Variants in LPCAT1 observed in about 807,000 individuals in gnomAD.
LPCAT1 encodes 1-acylglycerol-3-phosphate O-acyltransferase.
A neutral mutation model predicts 60.9 loss-of-function variants in LPCAT1; 23 were observed. The observed-to-expected ratio is 0.38, with a 90% confidence interval of 0.27 to 0.53. The LOEUF is 0.53. Among genes scored for constraint, LPCAT1 ranks in the 20% least tolerant of loss-of-function variants. The pLI, the probability that LPCAT1 is intolerant of heterozygous loss-of-function variation, is 0.82. For missense variants in LPCAT1, 622 were observed against 723.6 expected, an observed-to-expected ratio of 0.86 and a Z score of 1.61; for synonymous variants, 340 against 301.1, an observed-to-expected ratio of 1.13 and a Z score of -1.34.
At chr5:1,518,708 C>T (rs1579819667) in intron 1 of LPCAT1, among the ~76,000 whole-genome samples, 1 of 152,342 alleles carries the variant, frequency 6.6e-6, no homozygotes, top group African/African-American at 2.4e-5. Flanking sequence ...CAAGCAGAGG[C>T]AGGAGCAGAA....
chr5:1,470,765 G>A (rs1373929923), intron 12 of LPCAT1, 61 bp downstream of exon 12: 2 of 1,250,158 alleles, frequency 1.6e-6, no homozygotes, highest in Non-Finnish European at 2.3e-6. Flanking sequence ...AATGAACAAT[G>A]GTGCTGACGT....
chr5:1,502,994 A>T lies in LPCAT1; in HGVS notation c.136-1391T>A, dbSNP rs745821522. On this transcript the variant is annotated intron_variant, in intron 1 of 13. Coordinates refer to ENST00000283415, the MANE Select transcript of LPCAT1 (RefSeq NM_024830.5). This position sits in a 1 kb window ranked among gnomAD's most constrained non-coding sequence, Gnocchi z 5.5. ...ACACGTACTCAACGTAGAAGTTGCT[A>T]CTGGCTAGTTTGCATTTTCTCCCGC... is the stretch of plus-strand genomic sequence containing the variant. Among the ~76,000 whole-genome samples the T allele has an allele frequency of 2.6e-5, 4 of 152,188 alleles. No individual in the cohort carries two copies. The highest frequency in any genetic ancestry group is 4.8e-5 in the African/African-American group (2 of 41,424).
chr5:1,513,500 T>C (rs1453498919), intron 1 of LPCAT1, among the ~76,000 whole-genome samples: 2 of 152,220 alleles, frequency 1.3e-5, no homozygotes, highest in Non-Finnish European at 2.9e-5. Context: ...TGTAAGCTTC[T>C]GGGCTGCACA....
At chr5:1,465,074 C>T (rs931403562) in intron 13 of LPCAT1, among the ~76,000 whole-genome samples, 10 of 117,266 alleles carry the variant, frequency 8.5e-5, no homozygotes, top group African/African-American at 2.6e-4. Context: ...CGCACACACA[C>T]GGTAACACAC....
chr5:1,501,554 G>A lies in LPCAT1; in HGVS notation c.185C>T (p.Ala62Val). The change falls in exon 2 of 14, where the codon GCT becomes GTT. Residue 62 changes from alanine (A) to valine (V), a missense_variant. By Grantham distance (64) the Ala-to-Val change is moderately conservative. Transcript: ENST00000283415. ...GGGCCAGGCCAGCAGCATCATGGCA[G>A]CGGCAACCAGGAGCCGGACCGGGAA... is the stretch of plus-strand genomic sequence containing the variant. ...TLFPVRLLVA[A>V]AMMLLAWPLA... 1 of 1,614,026 alleles carries A rather than the reference G, an allele frequency of 6.2e-7. No homozygotes were observed. Among genetic ancestry groups the A allele is most frequent in the Non-Finnish European group, 8.5e-7 (1 of 1,179,950 alleles).
In LPCAT1 at chr5:1,500,394, T is replaced by G. The variant is rs912584774; in HGVS notation, c.278+1067A>C. Among the ~76,000 whole-genome samples the G allele has an allele frequency of 3.3e-5, 5 of 152,410 alleles. No individual in the cohort carries two copies. In the Middle Eastern group the frequency reaches 0.01, roughly 311 times the overall value. ...AACAAGAAAATATTGTGATTTAGTT[T>G]AATTTTTTGTGGTCTGTTTTGGATC... On this transcript the variant is annotated intron_variant, in intron 2 of 13. Transcript: ENST00000283415.
intron 2 of LPCAT1, among the ~76,000 whole-genome samples, chr5:1,498,578 T>C (rs1735882533): frequency 6.6e-6 from 1 of 152,066 alleles, no homozygotes; most frequent in South Asian, 2.1e-4. Context: ...CTCATACACA[T>C]ATGTACATAC....
intron 1 of LPCAT1, among the ~76,000 whole-genome samples, chr5:1,505,702 C>T (rs1444211656): frequency 6.6e-6 from 1 of 152,184 alleles, no homozygotes; most frequent in African/African-American, 2.4e-5. Context: ...GACTGGGCGA[C>T]CACCTGAGCC....
At chr5:1,466,571 G>C (rs2277008) in intron 13 of LPCAT1, among the ~76,000 whole-genome samples, 178 bp downstream of exon 13, 109,628 of 152,120 alleles carry the variant, frequency 0.72, 39,554 homozygotes, top group South Asian at 0.81. Context: ...CCCTACGAAC[G>C]CTGCCAGGTC....
intron 3 of LPCAT1, 133 bp from the exon 4 acceptor site, chr5:1,489,991 G>A: frequency 1.4e-6 from 1 of 699,032 alleles, no homozygotes; most frequent in Non-Finnish European, 2.6e-6. Context: ...TGTGCCATGG[G>A]TGGGCTGTGA....
At chr5:1,498,548 C>T (rs1335700030) in intron 2 of LPCAT1, among the ~76,000 whole-genome samples, 3 of 152,184 alleles carry the variant, frequency 2.0e-5, no homozygotes, top group African/African-American at 4.8e-5. Context: ...CACACTCATA[C>T]ATATGTACAC....
intron 11 of LPCAT1, among the ~76,000 whole-genome samples, chr5:1,472,925 C>A (rs1191532593): frequency 1.3e-5 from 2 of 152,144 alleles, no homozygotes; most frequent in Non-Finnish European, 2.9e-5. Context: ...GCACTGTGAT[C>A]CTTGGTTCAC....
chr5:1,514,494 G>A (rs1256013450), intron 1 of LPCAT1, among the ~76,000 whole-genome samples: 1 of 152,208 alleles, frequency 6.6e-6, no homozygotes, highest in South Asian at 2.1e-4. Context: ...AGTCTGCTCC[G>A]CACTGGGGGA....
At position 1,477,569 on chromosome 5, in the gene LPCAT1, A is replaced by G; in HGVS notation, c.817-83T>C. On this transcript the variant is annotated intron_variant, in intron 8 of 13. Transcript: ENST00000283415. This position sits in a 1 kb window ranked among gnomAD's most constrained non-coding sequence, Gnocchi z 6.0. ...TGTAACGACAACTGGGAGGCTGACA[A>G]AATTAAGATCTGTCAAAGTAACGCC... The G allele has an allele frequency of 1.9e-6, 2 of 1,038,142 alleles. No homozygotes were observed. The highest frequency in any genetic ancestry group is 2.4e-5 in the East Asian group (1 of 41,484). 64.3% of individuals were successfully genotyped at this position (1,038,142 alleles called of 1,614,324 possible). A position where few individuals can be genotyped will look rare whatever the true frequency, so the allele number is the denominator to read the frequency against.
chr5:1,507,494 C>T (rs540818350), intron 1 of LPCAT1, among the ~76,000 whole-genome samples: 4 of 152,378 alleles, frequency 2.6e-5, no homozygotes, highest in South Asian at 2.1e-4. Context: ...GGACTGCGGC[C>T]GCTAAATACC....
intron 1 of LPCAT1, among the ~76,000 whole-genome samples, chr5:1,515,754 T>C (rs1165323913): frequency 1.3e-5 from 2 of 152,000 alleles, no homozygotes; most frequent in Admixed American, 1.3e-4. Flanking sequence ...CGGAACATCC[T>C]GGCTCACCCC....
In LPCAT1 at chr5:1,477,243, A is replaced by G. The variant is rs1014048125; in HGVS notation, c.899+161T>C. ...CATCAGAGGGAAACAAGGGGCGCACAGCACAAGGCCAAGCACGCTTCACCA... is the reference window on the plus strand; with the variant it reads ...CATCAGAGGGAAACAAGGGGCGCACGGCACAAGGCCAAGCACGCTTCACCA... On this transcript the variant is annotated intron_variant, in intron 9 of 13. Coordinates refer to ENST00000283415, the MANE Select transcript of LPCAT1 (RefSeq NM_024830.5). This position sits in a 1 kb window ranked among gnomAD's most constrained non-coding sequence, Gnocchi z 6.0. Among the ~76,000 whole-genome samples, 17 of 152,384 alleles carry G rather than the reference A, an allele frequency of 1.1e-4. No homozygotes were observed. The highest frequency in any genetic ancestry group is 2.6e-4 in the African/African-American group (11 of 41,594).
At chr5:1,488,020 G>A (rs1232657419) in intron 5 of LPCAT1, among the ~76,000 whole-genome samples, 2 of 152,134 alleles carry the variant, frequency 1.3e-5, no homozygotes, top group East Asian at 1.9e-4. Context: ...ATTTGCACCT[G>A]GGATTCCCAG....
rs561431847 is a variant in LPCAT1, at chr5:1,522,545, G to T, written c.135+1165C>A. ...GCACCATCGGGCTCTCCTGCTCCCC[G>T]TCCCCTTCCATACCCTGAGGACCAG... On this transcript the variant is annotated intron_variant, in intron 1 of 13. Coordinates refer to ENST00000283415, the MANE Select transcript of LPCAT1 (RefSeq NM_024830.5). This position sits in a 1 kb window ranked among gnomAD's most constrained non-coding sequence, Gnocchi z 6.8. 6.6e-6 allele frequency among the ~76,000 whole-genome samples: 1 copy of T among 152,140 alleles called. No individual in the cohort carries two copies. The highest frequency in any genetic ancestry group is 1.5e-5 in the Non-Finnish European group (1 of 68,022).
Sources: gnomAD v4.1 joint callset for allele counts (sites outside exome capture counted in the v4.1 genomes callset) on GRCh38, gnomAD v4.1.1 for gene constraint, Gnocchi (gnomAD v3.1) non-coding constraint, MANE v1.5 for transcripts, NCBI Gene and HGNC (gene_info 2026-07-23, HGNC 2026-07-21) for gene names.